The following BRCA1 variants were observed in gnomAD, a reference collection of about 807,000 sequenced individuals.
The protein encoded by BRCA1 is BRCA1 DNA repair associated.
BRCA1 carries 140 observed loss-of-function variants against 173.7 expected under a neutral mutation model. The observed-to-expected ratio is 0.81, with a 90% CI of 0.70 to 0.93. The LOEUF (loss-of-function observed/expected upper bound fraction) is 0.93. Ranked by LOEUF, BRCA1 falls within the 40% of genes least tolerant of loss-of-function variation. The pLI is 0.00. For missense variants in BRCA1, 1,983 were observed against 2,172.5 expected (o/e 0.91, Z 1.73); for synonymous variants, 662 against 756.0 (o/e 0.88, Z 2.04).
intron 6 of BRCA1, among the ~76,000 whole-genome samples, chr17:43,103,736 A>G (rs560938838): frequency 1.3e-5 from 2 of 152,278 alleles, no homozygotes; most frequent in African/African-American, 2.4e-5. Flanking sequence ...AACTTTTTAT[A>G]TAAATCTATG....
At chr17:43,063,158 GGGATTATAGGTATGA>G (rs2051841165) in intron 18 of BRCA1, among the ~76,000 whole-genome samples, 160 bp downstream of exon 18, 2 of 152,096 alleles carry the variant, frequency 1.3e-5, no homozygotes, top group South Asian at 4.1e-4. Context: ...CCAAAGCGCT[GGGATTATAGGTATGA>G]GCCACAGTGC....
At chr17:43,103,788 AAG>A (rs2054592227) in intron 6 of BRCA1, among the ~76,000 whole-genome samples, 1 of 152,142 alleles carries the variant, frequency 6.6e-6, no homozygotes, top group Non-Finnish European at 1.5e-5. Context: ...ATGCTCAATA[AAG>A]AGATGTTGCC....
At chr17:43,077,536 G>A (rs1453509067) in intron 12 of BRCA1, among the ~76,000 whole-genome samples, 1 of 151,956 alleles carries the variant, frequency 6.6e-6, no homozygotes, top group Admixed American at 6.6e-5. Flanking sequence ...ATTTTACCCT[G>A]TTGATCAGGC....
chr17:43,150,143 C>G (rs2056151623), intron 1 of BRCA1, among the ~76,000 whole-genome samples: 1 of 151,752 alleles, frequency 6.6e-6, no homozygotes, highest in Admixed American at 6.6e-5. Context: ...CGGGTCTTGC[C>G]CTGTTGCCCT....
intron 8 of BRCA1, 149 bp downstream of exon 8, chr17:43,097,095 C>T (rs1047010296): frequency 9.5e-6 from 7 of 735,496 alleles, no homozygotes; most frequent in African/African-American, 3.6e-5. Flanking sequence ...AATCCCAAGT[C>T]GTGTGTTTAC....
chr17:43,092,363 G>A lies in BRCA1; in HGVS notation c.3168C>T (p.Ser1056=), dbSNP rs2154338919. The A allele has an allele frequency of 6.2e-7, 1 of 1,613,750 alleles. No individual in the cohort carries two copies. The highest frequency in any genetic ancestry group is 8.5e-7 in the Non-Finnish European group (1 of 1,179,960). Reference sequence around the variant, plus strand: ...CACTGGAACCTATTTCATTAATACTGGAGCCCACTTCATTAGTACTGGAAC... The same window carrying A: ...CACTGGAACCTATTTCATTAATACTAGAGCCCACTTCATTAGTACTGGAAC... ...EVGSSTNEVG[S]SINEIGSSDE... The change falls in exon 10 of 23, where the codon TCC becomes TCT. Residue 1056 remains serine (S), a synonymous_variant. Transcript: ENST00000357654.
Position 43,092,567 on chromosome 17 carries a change from T to C in BRCA1, c.2964A>G (p.Ser988=), listed in dbSNP as rs1064796061. 15 of 1,614,086 alleles carry C rather than the reference T, an allele frequency of 9.3e-6. No individual in the cohort carries two copies. The East Asian group carries it at 2.2e-4, about 24-fold the overall frequency. Residue 988 remains serine, a synonymous_variant, in exon 10 of 23, where the codon TCA becomes TCG. Transcript: ENST00000357654. ...YRIPPLFPIK[S]FVKTKCKKNL... is the part of the protein sequence containing the mutation. ...TTTTCTTACATTTAGTTTTAACAAA[T>C]GACTTGATGGGAAAAAGTGGTGGTA...
At chr17:43,048,881 G>C (rs983657886) in intron 21 of BRCA1, among the ~76,000 whole-genome samples, 1 of 152,090 alleles carries the variant, frequency 6.6e-6, no homozygotes, top group African/African-American at 2.4e-5. Flanking sequence ...ACAGAGAGGA[G>C]GGGGAGGGAC....
At chr17:43,099,358 C>T (rs1041974122) in intron 7 of BRCA1, among the ~76,000 whole-genome samples, 1 of 151,706 alleles carries the variant, frequency 6.6e-6, no homozygotes, top group South Asian at 2.1e-4. Context: ...GCAACCTCCA[C>T]CTCCCGGGTT....
chr17:43,073,150 A>G (rs1373989477), intron 14 of BRCA1, among the ~76,000 whole-genome samples: 1 of 151,914 alleles, frequency 6.6e-6, no homozygotes, highest in Non-Finnish European at 1.5e-5. Flanking sequence ...TCGGCAACAT[A>G]ACAAGACCCG....
At position 43,094,562 on chromosome 17, in the gene BRCA1, T is replaced by A. The variant is rs45586033; in HGVS notation, c.969A>T (p.Gly323=). 5 of 1,614,216 alleles carry A rather than the reference T, an allele frequency of 3.1e-6. No homozygotes were observed. Among genetic ancestry groups the A allele is most frequent in the Non-Finnish European group, 3.4e-6 (4 of 1,180,036 alleles). Residue 323 remains glycine, a synonymous_variant, in exon 10 of 23, where the codon GGA becomes GGT. Coordinates refer to ENST00000357654, the MANE Select transcript of BRCA1 (RefSeq NM_007294.4). ...LARSQHNRWA[G]SKETCNDRRT... is the part of the protein sequence containing the mutation. Reference sequence around the variant, plus strand: ...GCCTATCATTACATGTTTCCTTACTTCCAGCCCATCTGTTATGTTGGCTCC... The same window carrying A: ...GCCTATCATTACATGTTTCCTTACTACCAGCCCATCTGTTATGTTGGCTCC...
intron 10 of BRCA1, 117 bp downstream of exon 10, chr17:43,091,318 A>G: frequency 7.5e-7 from 1 of 1,334,394 alleles, no homozygotes; most frequent in Non-Finnish European, 1.1e-6. Flanking sequence ...TTCAAGTTTA[A>G]GAAGCAGTTC....
At chr17:43,102,149 C>A (rs1285461655) in intron 6 of BRCA1, among the ~76,000 whole-genome samples, 3 of 151,506 alleles carry the variant, frequency 2.0e-5, no homozygotes, top group Non-Finnish European at 2.9e-5. Flanking sequence ...CGGCTCACTG[C>A]AAGCTCCACC....
rs2154380521 is a variant in BRCA1 at position 43,093,146 on chromosome 17, T to A, written c.2385A>T (p.Lys795Asn). 1 of 1,613,682 alleles carries A rather than the reference T, an allele frequency of 6.2e-7. No individual in the cohort carries two copies. The highest frequency in any genetic ancestry group is 8.5e-7 in the Non-Finnish European group (1 of 1,179,876). ...GACTCACACATTTATTTGGTTCTGT[T>A]TTTGCCTTCCCTAGAGTGCTAACTT... ...LLEVSTLGKA[K>N]TEPNKCVSQC... Residue 795 changes from lysine (K) to asparagine (N), a missense_variant, in exon 10 of 23, where the codon AAA becomes AAT. Coordinates refer to ENST00000357654, the MANE Select transcript of BRCA1 (RefSeq NM_007294.4).
In BRCA1 at chr17:43,125,309, G is replaced by A. The variant is rs2154580084; in HGVS notation, c.-58C>T. ...AGAGGGTGAAGGCCTCCTGAGCGCAGGGGCCCAGTTATCTGAGAAACCCCA... is the reference window on the plus strand; with the variant it reads ...AGAGGGTGAAGGCCTCCTGAGCGCAAGGGCCCAGTTATCTGAGAAACCCCA... On this transcript the variant is annotated 5_prime_UTR_variant, in exon 1 of 23. Transcript: ENST00000357654. The A allele has an allele frequency of 2.2e-6, 1 of 456,192 alleles. No individual in the cohort carries two copies. The highest frequency in any genetic ancestry group is 4.4e-6 in the Non-Finnish European group (1 of 226,908). The allele number at this position is 456,192 out of a possible 1,614,324, so 28.3% of individuals were successfully genotyped here. A position where few individuals can be genotyped will look rare whatever the true frequency, so the allele number is the denominator to read the frequency against.
rs80358016 is a variant in BRCA1 at position 43,082,594 on chromosome 17, G to A, written c.4186-19C>T. The A allele has an allele frequency of 2.2e-5, 35 of 1,613,212 alleles. No individual in the cohort carries two copies. Among genetic ancestry groups the A allele is most frequent in the Non-Finnish European group, 3.0e-5 (35 of 1,179,504 alleles). On this transcript the variant is annotated intron_variant, in intron 11 of 22. Coordinates refer to ENST00000357654, the MANE Select transcript of BRCA1 (RefSeq NM_007294.4). ...CCCTCTGCTTCAAAAACGATAAATG[G>A]CACCAAGAAAATGAAATACTTTGAG...
At chr17:43,082,052 C>G (rs767450523) in intron 12 of BRCA1, among the ~76,000 whole-genome samples, 1 of 152,196 alleles carries the variant, frequency 6.6e-6, no homozygotes, top group Non-Finnish European at 1.5e-5. Flanking sequence ...AGGAATATGT[C>G]TGAGTACTTT....
intron 7 of BRCA1, among the ~76,000 whole-genome samples, chr17:43,097,983 A>G (rs571666267): frequency 3.4e-4 from 51 of 152,108 alleles, no homozygotes; most frequent in Admixed American, 2.8e-3. Context: ...ATATTCTAAA[A>G]GAAAATCCAA....
intron 11 of BRCA1, among the ~76,000 whole-genome samples, chr17:43,086,886 A>G (rs994005822): frequency 3.3e-5 from 5 of 152,234 alleles, no homozygotes; most frequent in African/African-American, 9.6e-5. Flanking sequence ...CAGCTCAGAT[A>G]CAGAGTGGGG....
Sources: allele counts gnomAD v4.1 joint callset (sites outside exome capture counted in the v4.1 genomes callset), GRCh38; gene constraint gnomAD v4.1.1; transcripts MANE v1.5; gene names NCBI Gene and HGNC (gene_info 2026-07-23, HGNC 2026-07-21).